ZC3H12B: variants seen among roughly 807,000 people sequenced by gnomAD.
The protein encoded by ZC3H12B is zinc finger CCCH-type containing 12B.
A neutral mutation model predicts 43.9 loss-of-function variants in ZC3H12B; 7 were observed. The ratio of observed to expected loss-of-function variants is 0.16; its 90% CI spans 0.09 to 0.30. ZC3H12B has a LOEUF of 0.30. Ranked by LOEUF, ZC3H12B falls within the 10% of genes least tolerant of loss-of-function variation. The pLI, the probability that ZC3H12B is intolerant of heterozygous loss-of-function variation, is 1.00. For synonymous variants in ZC3H12B, 222 were observed against 241.7 expected, an observed-to-expected ratio of 0.92 and a Z score of 0.76; for missense variants, 475 against 670.2, an observed-to-expected ratio of 0.71 and a Z score of 3.22.
At chrX:65,372,671 C>T (rs1429917364) in intron 2 of ZC3H12B, among the ~76,000 whole-genome samples, 1 of 111,301 alleles carries the variant, frequency 9.0e-6, no homozygotes, top group Non-Finnish European at 1.9e-5. Context: ...GGAAGGAAAA[C>T]TTTCAATTTT....
chrX:65,252,875 A>C, the ZC3H12B span, among the ~76,000 whole-genome samples: 3 of 112,023 alleles, frequency 2.7e-5, no homozygotes, highest in Non-Finnish European at 5.6e-5. Context: ...AATAAATAAA[A>C]TTATATTGTG....
At chrX:65,317,524 C>A in the ZC3H12B span, among the ~76,000 whole-genome samples, 5 of 109,164 alleles carry the variant, frequency 4.6e-5, no homozygotes, top group Non-Finnish European at 9.5e-5. Flanking sequence ...TTATCCCATA[C>A]CCCTTTCCCA....
the ZC3H12B span, among the ~76,000 whole-genome samples, chrX:65,286,075 G>A: frequency 2.5e-3 from 276 of 111,205 alleles, 1 homozygote; most frequent in African/African-American, 8.8e-3. Context: ...TATACCCAAA[G>A]AAAAATACAT....
chrX:65,180,207 A>T, the ZC3H12B span, among the ~76,000 whole-genome samples: 2 of 112,188 alleles, frequency 1.8e-5, no homozygotes, highest in East Asian at 2.8e-4. Context: ...AACATACGCA[A>T]ATCATTAAAC....
the ZC3H12B span, among the ~76,000 whole-genome samples, chrX:65,342,380 C>A: frequency 3.6e-5 from 4 of 111,828 alleles, no homozygotes; most frequent in African/African-American, 9.8e-5. Context: ...CCACATGGCA[C>A]ATACTCTAAA....
chrX:65,404,100 T>C (rs1569396144), intron 3 of ZC3H12B, among the ~76,000 whole-genome samples: 1 of 112,103 alleles, frequency 8.9e-6, no homozygotes. Flanking sequence ...AAAATAAAGT[T>C]ATGGCATAGA....
At chrX:65,371,450 C>T in intron 2 of ZC3H12B, among the ~76,000 whole-genome samples, 1 of 111,462 alleles carries the variant, frequency 9.0e-6, no homozygotes, top group Non-Finnish European at 1.9e-5. Context: ...TCCACTACCA[C>T]AAGCTGTACA....
At chrX:65,161,673 G>A in the ZC3H12B span, among the ~76,000 whole-genome samples, 33 of 111,804 alleles carry the variant, frequency 3.0e-4, no homozygotes, top group Middle Eastern at 4.6e-3. Context: ...AGTGAGATGC[G>A]TTTCCTGAAT....
the ZC3H12B span, among the ~76,000 whole-genome samples, chrX:65,143,331 G>T: frequency 1.8e-5 from 2 of 111,073 alleles, no homozygotes. Context: ...CTGTGGATTT[G>T]TCATAGATGG....
the ZC3H12B span, among the ~76,000 whole-genome samples, chrX:65,158,093 G>A: frequency 9.2e-6 from 1 of 108,110 alleles, no homozygotes; most frequent in Non-Finnish European, 1.9e-5. Flanking sequence ...CCCTACAAAG[G>A]ACATGAACTC....
chrX:65,470,202 A>G (rs1468812645), intron 3 of ZC3H12B: 1 of 120,820 alleles, frequency 8.3e-6, no homozygotes, highest in African/African-American at 3.3e-5. Flanking sequence ...TGGCCTCCCT[A>G]GAGTGGAGAA....
At chrX:65,132,073 A>C in the ZC3H12B span, among the ~76,000 whole-genome samples, 1 of 111,694 alleles carries the variant, frequency 9.0e-6, no homozygotes, top group Non-Finnish European at 1.9e-5. Context: ...GGGTCAGTCC[A>C]GGTAAAAGCA....
the ZC3H12B span, among the ~76,000 whole-genome samples, chrX:65,114,914 G>C: frequency 1.6e-3 from 81 of 51,522 alleles, no homozygotes; most frequent in Non-Finnish European, 2.2e-3. Context: ...TTGTGTCTCA[G>C]GATTTTTTTT....
the ZC3H12B span, among the ~76,000 whole-genome samples, chrX:65,076,712 G>A: frequency 9.4e-6 from 1 of 106,835 alleles, no homozygotes; most frequent in Admixed American, 1.0e-4. Context: ...TTTTATTTTG[G>A]CTGTTGTATT....
chrX:65,219,750 T>C, the ZC3H12B span, among the ~76,000 whole-genome samples: 3 of 108,031 alleles, frequency 2.8e-5, no homozygotes, highest in Admixed American at 1.0e-4. Context: ...AAAGGAAAAC[T>C]TCTGCAGCAT....
intron 3 of ZC3H12B, among the ~76,000 whole-genome samples, chrX:65,474,262 G>T (rs2067963767): frequency 9.0e-6 from 1 of 110,944 alleles, no homozygotes; most frequent in African/African-American, 3.3e-5. Context: ...AATATATTTT[G>T]TCTGATATAA....
intron 3 of ZC3H12B, among the ~76,000 whole-genome samples, chrX:65,468,650 A>ATTTTTTTTTTT (rs60716703): frequency 1.7e-3 from 126 of 74,847 alleles, no homozygotes; most frequent in African/African-American, 7.5e-3. Context: ...TGCCCGGCTA[A>ATTTTTTTTTTT]TTTTTTTTTT....
chrX:65,037,207 G>A, the ZC3H12B span, among the ~76,000 whole-genome samples: 1 of 111,174 alleles, frequency 9.0e-6, no homozygotes, highest in Non-Finnish European at 1.9e-5. Context: ...AATTGGAACA[G>A]AGTCATATTG....
the ZC3H12B span, among the ~76,000 whole-genome samples, chrX:65,352,517 C>T: frequency 1.5e-4 from 17 of 109,847 alleles, no homozygotes; most frequent in South Asian, 4.4e-3. Context: ...TGATAGCCCA[C>T]GGGTATAGGT....
Sources: gnomAD v4.1 joint callset for allele counts (sites outside exome capture counted in the v4.1 genomes callset) on GRCh38, gnomAD v4.1.1 for gene constraint, MANE v1.5 for transcripts, NCBI Gene and HGNC (gene_info 2026-07-23, HGNC 2026-07-21) for gene names.